SLC16A7: variants seen among roughly 807,000 people sequenced by gnomAD.
SLC16A7 encodes monocarboxylate transporter 2.
SLC16A7 carries 33 observed loss-of-function variants against 34.9 expected under a neutral mutation model. The ratio of observed to expected loss-of-function variants is 0.94; its 90% CI spans 0.72 to 1.26. The LOEUF (loss-of-function observed/expected upper bound fraction) is 1.26. Ranked by LOEUF, SLC16A7 falls within the 50% of genes most tolerant of loss-of-function variation. The pLI is 0.00. For missense variants in SLC16A7, 573 were observed against 578.1 expected (o/e 0.99, Z 0.09); for synonymous variants, 201 against 206.6 (o/e 0.97, Z 0.23).
At chr12:59,741,416 C>T (rs916953607) in intron 3 of SLC16A7, among the ~76,000 whole-genome samples, 1 of 152,138 alleles carries the variant, frequency 6.6e-6, no homozygotes, top group Admixed American at 6.5e-5. Context: ...GAAATTTCCC[C>T]TTCTTTGCTC....
intron 1 of SLC16A7, among the ~76,000 whole-genome samples, chr12:59,603,125 A>C (rs11173099): frequency 0.63 from 95,077 of 151,940 alleles, 31,100 homozygotes; most frequent in East Asian, 0.84. Flanking sequence ...TTAATTATTT[A>C]TTTCTATTCT....
At chr12:59,625,836 T>C (rs187731508) in intron 1 of SLC16A7, among the ~76,000 whole-genome samples, 1 of 151,888 alleles carries the variant, frequency 6.6e-6, no homozygotes, top group Non-Finnish European at 1.5e-5. Context: ...ATATGCCTAA[T>C]ACACATGGAG....
intron 2 of SLC16A7, among the ~76,000 whole-genome samples, chr12:59,697,480 A>T (rs955873311): frequency 2.6e-5 from 4 of 151,896 alleles, no homozygotes; most frequent in African/African-American, 7.2e-5. Flanking sequence ...ATTACTATCC[A>T]TTTTTACTTC....
intron 2 of SLC16A7, among the ~76,000 whole-genome samples, chr12:59,691,172 A>G (rs925800667): frequency 6.6e-6 from 1 of 152,020 alleles, no homozygotes; most frequent in African/African-American, 2.4e-5. Context: ...ATATGTAAAT[A>G]TATGTACATT....
chr12:59,688,005 T>C (rs906364982), intron 2 of SLC16A7, among the ~76,000 whole-genome samples: 1 of 152,104 alleles, frequency 6.6e-6, no homozygotes, highest in Non-Finnish European at 1.5e-5. Context: ...CGTAAGTGTA[T>C]GGTAGAAGAA....
At chr12:59,736,829 G>A (rs1286536073) in intron 3 of SLC16A7, among the ~76,000 whole-genome samples, 8 of 152,134 alleles carry the variant, frequency 5.3e-5, no homozygotes, top group Middle Eastern at 3.2e-3. Flanking sequence ...ATTCTCCAAT[G>A]ATTTCTAGTC....
chr12:59,765,165 T>G (rs1881461306), intron 3 of SLC16A7, among the ~76,000 whole-genome samples: 1 of 152,210 alleles, frequency 6.6e-6, no homozygotes, highest in Non-Finnish European at 1.5e-5. Context: ...CTTCGCCCAC[T>G]TTTTGATGGG....
intron 2 of SLC16A7, among the ~76,000 whole-genome samples, chr12:59,665,841 T>C (rs890079969): frequency 6.6e-6 from 1 of 151,678 alleles, no homozygotes; most frequent in Admixed American, 6.6e-5. Context: ...TGTGTGTGTG[T>C]GTCTATGTGT....
chr12:59,753,586 G>A (rs1314982425), intron 3 of SLC16A7, among the ~76,000 whole-genome samples: 2 of 151,784 alleles, frequency 1.3e-5, no homozygotes, highest in Non-Finnish European at 2.9e-5. Context: ...CCCAATACAG[G>A]AGCACCCAGA....
At chr12:59,602,403 A>G (rs1185166517) in intron 1 of SLC16A7, among the ~76,000 whole-genome samples, 3 of 145,014 alleles carry the variant, frequency 2.1e-5, no homozygotes, top group Admixed American at 7.0e-5. Context: ...CTCACCGCTC[A>G]TTTACTGCTT....
chr12:59,719,822 A>G, intron 3 of SLC16A7: 1 of 379,092 alleles, frequency 2.6e-6, no homozygotes. Context: ...TGCACTTTCC[A>G]GGATTCTTCA....
At chr12:59,757,942 C>T (rs1274994398) in intron 3 of SLC16A7, among the ~76,000 whole-genome samples, 3 of 152,030 alleles carry the variant, frequency 2.0e-5, no homozygotes, top group Non-Finnish European at 4.4e-5. Context: ...TTTATGTTAT[C>T]AGTAAAGCTT....
rs908709667 is a variant in SLC16A7 at position 59,785,554 on chromosome 12, C to G, written c.*5875C>G. ...TTTCCTTTCTATGTTTTTATAATAT[C>G]TAGGTAAAACTTGTTTAGCATTTTT... On this transcript the variant is annotated 3_prime_UTR_variant, in exon 6 of 6. Transcript: ENST00000547379. The G allele has an allele frequency of 4.6e-5, 7 of 152,034 alleles. No individual in the cohort carries two copies. The highest frequency in any genetic ancestry group is 7.4e-5 in the Non-Finnish European group (5 of 68,004). 9.4% of individuals were successfully genotyped at this position (152,034 alleles called of 1,614,324 possible).
chr12:59,701,483 TTC>T (rs1291221571), intron 2 of SLC16A7, among the ~76,000 whole-genome samples: 2 of 151,698 alleles, frequency 1.3e-5, no homozygotes, highest in Non-Finnish European at 3.0e-5. Flanking sequence ...TGTGTGTACA[TTC>T]TGTCTTCTAT....
chr12:59,667,989 G>T (rs1418821361), intron 2 of SLC16A7, among the ~76,000 whole-genome samples: 1 of 152,238 alleles, frequency 6.6e-6, no homozygotes, highest in East Asian at 1.9e-4. Context: ...CTTCCACGTG[G>T]TGTTGAGCCT....
intron 2 of SLC16A7, among the ~76,000 whole-genome samples, chr12:59,664,186 G>A (rs1869011616): frequency 6.6e-6 from 1 of 152,106 alleles, no homozygotes; most frequent in African/African-American, 2.4e-5. Context: ...GTATCATTTA[G>A]AGAATGGGGT....
At chr12:59,678,605 G>A (rs1169166773) in intron 2 of SLC16A7, among the ~76,000 whole-genome samples, 1 of 152,092 alleles carries the variant, frequency 6.6e-6, no homozygotes, top group Non-Finnish European at 1.5e-5. Flanking sequence ...GTTTTTATGG[G>A]CTTCAGATGG....
intron 1 of SLC16A7, among the ~76,000 whole-genome samples, chr12:59,633,422 A>G (rs1195872062): frequency 6.6e-6 from 1 of 152,040 alleles, no homozygotes. Flanking sequence ...TAAGAGAGAT[A>G]TTGTTACTTA....
At chr12:59,756,543 A>T (rs12231176) in intron 3 of SLC16A7, among the ~76,000 whole-genome samples, 305 of 152,216 alleles carry the variant, frequency 2.0e-3, no homozygotes, top group South Asian at 5.8e-3. Flanking sequence ...AATGCAAATC[A>T]AAACCACAAT....
Sources: allele counts gnomAD v4.1 joint callset (sites outside exome capture counted in the v4.1 genomes callset), GRCh38; gene constraint gnomAD v4.1.1; transcripts MANE v1.5; gene names NCBI Gene and HGNC (gene_info 2026-07-23, HGNC 2026-07-21).